The following NCS1 variants were observed in gnomAD, a reference collection of about 807,000 sequenced individuals.
The protein encoded by NCS1 is neuronal calcium sensor 1, also known as frequenin homolog.
NCS1 carries 6 observed loss-of-function variants against 28.4 expected under a neutral mutation model. The observed-to-expected ratio is 0.21, with a 90% CI of 0.12 to 0.42. The LOEUF (loss-of-function observed/expected upper bound fraction) is 0.42, where lower values mean the gene tolerates loss of function less well. Ranked by LOEUF, NCS1 falls within the 10% of genes least tolerant of loss-of-function variation. The pLI is 1.00. For missense variants in NCS1, 131 were observed against 241.4 expected, an observed-to-expected ratio of 0.54 and a Z score of 3.03; for synonymous variants, 86 against 99.3, an observed-to-expected ratio of 0.87 and a Z score of 0.79.
At chr9:130,203,091 CAT>C (rs1365053648) in intron 2 of NCS1, among the ~76,000 whole-genome samples, 13 of 142,126 alleles carry the variant, frequency 9.1e-5, no homozygotes, top group South Asian at 4.4e-4. Context: ...TATACACATA[CAT>C]ATATATGTGT....
chr9:130,199,520 G>T (rs782110781), intron 1 of NCS1, among the ~76,000 whole-genome samples: 4 of 152,226 alleles, frequency 2.6e-5, no homozygotes, highest in Non-Finnish European at 5.9e-5. Context: ...CAGGAATCTG[G>T]CTGCCTGGTT....
chr9:130,235,519 C>CT lies in NCS1; in HGVS notation c.*2550dup, dbSNP rs1833574049. The CT allele has an allele frequency of 6.6e-6, 1 of 152,530 alleles. No individual in the cohort carries two copies. The highest frequency in any genetic ancestry group is 1.5e-5 in the Non-Finnish European group (1 of 68,262). The allele number at this position is 152,530 out of a possible 1,614,324, so 9.4% of individuals were successfully genotyped here. On this transcript the variant is annotated 3_prime_UTR_variant, in exon 8 of 8. Coordinates refer to ENST00000372398, the MANE Select transcript of NCS1 (RefSeq NM_014286.4). ...TCCGGCCTTCCTCCATCGTCCTGCCCTTTGGCCTTTTGGTTTGAAGCCACA... is the reference window on the plus strand; with the variant it reads ...TCCGGCCTTCCTCCATCGTCCTGCCCTTTTGGCCTTTTGGTTTGAAGCCACA...
intron 2 of NCS1, among the ~76,000 whole-genome samples, chr9:130,208,950 C>T (rs1337935117): frequency 1.3e-5 from 2 of 152,080 alleles, no homozygotes; most frequent in Admixed American, 6.6e-5. Flanking sequence ...GGCTCAGACC[C>T]GCCGGCTTCT....
rs559551895 is a variant in NCS1, at chr9:130,221,497, C to T, written c.308-1153C>T. Among the ~76,000 whole-genome samples the T allele has an allele frequency of 2.1e-4, 30 of 143,616 alleles. 1 individual carries two copies. The highest frequency in any genetic ancestry group is 1.1e-4 in the Non-Finnish European group (7 of 66,458). 94.2% of individuals were successfully genotyped at this position (143,616 alleles called of 152,430 possible). A position where few individuals can be genotyped will look rare whatever the true frequency, so the allele number is the denominator to read the frequency against. ...TCACCCAGGCTAGAGTGCAGTAGTTCGATCTCGGCTTATTGCAACCTTCGC... is the reference window on the plus strand; with the variant it reads ...TCACCCAGGCTAGAGTGCAGTAGTTTGATCTCGGCTTATTGCAACCTTCGC... On this transcript the variant is annotated intron_variant, in intron 4 of 7. Coordinates refer to ENST00000372398, the MANE Select transcript of NCS1 (RefSeq NM_014286.4).
intron 3 of NCS1, among the ~76,000 whole-genome samples, chr9:130,218,706 C>T (rs2131151441): frequency 6.6e-6 from 1 of 152,192 alleles, no homozygotes; most frequent in African/African-American, 2.4e-5. Context: ...ATTCCCCTGC[C>T]TCAGCCTCCT....
chr9:130,232,224 G>A lies in NCS1; in HGVS notation c.*18-766G>A, dbSNP rs1833509622. ...GGCCTCCCAAAGTGCTAGATTTACAGGTTTGACCCACCACTCCTGGCCCTC... is the reference window on the plus strand; with the variant it reads ...GGCCTCCCAAAGTGCTAGATTTACAAGTTTGACCCACCACTCCTGGCCCTC... On this transcript the variant is annotated intron_variant, in intron 7 of 7. Coordinates refer to ENST00000372398, the MANE Select transcript of NCS1 (RefSeq NM_014286.4). This position sits in a 1 kb window ranked among gnomAD's most constrained non-coding sequence, Gnocchi z 4.4. Among the ~76,000 whole-genome samples, 1 of 152,158 alleles carries A rather than the reference G, an allele frequency of 6.6e-6. No homozygotes were observed.
In NCS1 at chr9:130,217,910, C is replaced by T; in HGVS notation, c.168C>T (p.Phe56=). 3 of 1,614,194 alleles carry T rather than the reference C, an allele frequency of 1.9e-6. No individual in the cohort carries two copies. The South Asian group carries it at 3.3e-5, about 18-fold the overall frequency. The change falls in exon 3 of 8, where the codon TTC becomes TTT. Residue 56 remains phenylalanine, a synonymous_variant. Coordinates refer to ENST00000372398, the MANE Select transcript of NCS1 (RefSeq NM_014286.4). ...TCCAGAAGATCTACAAGCAATTCTT[C>T]CCGTTCGGAGACCCCACCAAGTTTG... ...AGFQKIYKQF[F]PFGDPTKFAT...
At position 130,180,845 on chromosome 9, in the gene NCS1, C is replaced by T. The variant is rs967378173; in HGVS notation, c.64+8118C>T. 3.9e-5 allele frequency among the ~76,000 whole-genome samples: 6 copies of T among 152,160 alleles called. No individual in the cohort carries two copies. Among genetic ancestry groups the T allele is most frequent in the African/African-American group, 9.7e-5 (4 of 41,436 alleles). On this transcript the variant is annotated intron_variant, in intron 1 of 7. Transcript: ENST00000372398. The surrounding 1 kb of genome is among the most constrained non-coding windows in gnomAD (Gnocchi z 4.5). ...CACAGGCTCTTGGCTGAATTGGGAG[C>T]GAGTGGCAAACATGGAGGGCCTCTG...
rs1832741214 is a variant in NCS1 at position 130,186,602 on chromosome 9, C to T, written c.64+13875C>T. 6.6e-6 allele frequency among the ~76,000 whole-genome samples: 1 copy of T among 152,076 alleles called. No homozygotes were observed. The highest frequency in any genetic ancestry group is 2.1e-4 in the South Asian group (1 of 4,822). On this transcript the variant is annotated intron_variant, in intron 1 of 7. Coordinates refer to ENST00000372398, the MANE Select transcript of NCS1 (RefSeq NM_014286.4). The surrounding 1 kb of genome is among the most constrained non-coding windows in gnomAD (Gnocchi z 4.1). ...CTTCCAGGGCTCCCGAACCCCCAGC[C>T]CCAGGAAGGGGTGGGAGACACAGAG...
rs1360808232 is a variant in NCS1 at position 130,192,505 on chromosome 9, A to G, written c.65-8453A>G. Among the ~76,000 whole-genome samples the G allele has an allele frequency of 1.3e-5, 2 of 151,804 alleles. No individual in the cohort carries two copies. Among genetic ancestry groups the G allele is most frequent in the Non-Finnish European group, 2.9e-5 (2 of 67,956 alleles). On this transcript the variant is annotated intron_variant, in intron 1 of 7. Transcript: ENST00000372398. This position sits in a 1 kb window ranked among gnomAD's most constrained non-coding sequence, Gnocchi z 4.8. ...CTCATTTACTTGTTGCCTGAAGGTC[A>G]CTTTGTGGAGCGTGGGAGCTGGGGG... is the stretch of plus-strand genomic sequence containing the variant.
intron 2 of NCS1, 152 bp downstream of exon 2, chr9:130,201,134 C>T: frequency 9.1e-7 from 1 of 1,103,536 alleles, no homozygotes; most frequent in South Asian, 1.3e-5. Flanking sequence ...GTTCAGTGGC[C>T]TTTGTCCTTG....
intron 1 of NCS1, among the ~76,000 whole-genome samples, chr9:130,187,056 G>A (rs1441987114): frequency 2.0e-5 from 3 of 152,114 alleles, no homozygotes; most frequent in Non-Finnish European, 4.4e-5. Context: ...GGGCGGGGGC[G>A]CGGGCAGTGA....
At position 130,234,631 on chromosome 9, in the gene NCS1, G is replaced by T. The variant is rs1588129890; in HGVS notation, c.*1659G>T. ...GGCTGGTGATGCTGTGGTTAAGTTT[G>T]CTTGACCCCAGCAGCCCGAGGGACT... is the stretch of plus-strand genomic sequence containing the variant. On this transcript the variant is annotated 3_prime_UTR_variant, in exon 8 of 8. Transcript: ENST00000372398. The surrounding 1 kb of genome is among the most constrained non-coding windows in gnomAD (Gnocchi z 6.1). 1 of 152,256 alleles carries T rather than the reference G, an allele frequency of 6.6e-6. No individual in the cohort carries two copies. The highest frequency in any genetic ancestry group is 1.5e-5 in the Non-Finnish European group (1 of 68,082). The allele number at this position is 152,256 out of a possible 1,614,324, so 9.4% of individuals were successfully genotyped here.
rs537179405 is a variant in NCS1, at chr9:130,215,962, G to A, written c.90-1870G>A. Reference sequence around the variant, plus strand: ...CCCCATCCTCCTCCTCCCCTCAACCGCCCTCACTCCGGCAGCAGCAGCCAC... The same window carrying A: ...CCCCATCCTCCTCCTCCCCTCAACCACCCTCACTCCGGCAGCAGCAGCCAC... On this transcript the variant is annotated intron_variant, in intron 2 of 7. Transcript: ENST00000372398. The surrounding 1 kb of genome is among the most constrained non-coding windows in gnomAD (Gnocchi z 4.2). Among the ~76,000 whole-genome samples, 2 of 151,938 alleles carry A rather than the reference G, an allele frequency of 1.3e-5. No homozygotes were observed. Among genetic ancestry groups the A allele is most frequent in the South Asian group, 2.1e-4 (1 of 4,790 alleles).
chr9:130,228,362 G>GT lies in NCS1; in HGVS notation c.*17+1866dup, dbSNP rs34399055. Among the ~76,000 whole-genome samples, 1,092 of 150,832 alleles carry GT rather than the reference G, an allele frequency of 7.2e-3. 16 individuals are homozygous for GT. The highest frequency in any genetic ancestry group is 0.022 in the African/African-American group (885 of 40,994). On this transcript the variant is annotated intron_variant, in intron 7 of 7. Coordinates refer to ENST00000372398, the MANE Select transcript of NCS1 (RefSeq NM_014286.4). ...ATCTGGCTAATTTAAAAAAAAAAGT[G>GT]TTTTTTTTGTTTGTTTGTTTTGTTT...
intron 2 of NCS1, among the ~76,000 whole-genome samples, chr9:130,201,653 G>A (rs2131135940): frequency 6.6e-6 from 1 of 152,246 alleles, no homozygotes; most frequent in Middle Eastern, 3.4e-3. Flanking sequence ...AGGGACATGA[G>A]GCAATGAGCT....
chr9:130,200,473 T>C (rs1329318183), intron 1 of NCS1: 1 of 1,095,186 alleles, frequency 9.1e-7, no homozygotes, highest in Non-Finnish European at 1.3e-6. Context: ...ACAGGGAGGG[T>C]GGTCCACCCT....
intron 1 of NCS1, among the ~76,000 whole-genome samples, chr9:130,185,171 C>T (rs1421431983): frequency 1.3e-5 from 2 of 152,236 alleles, no homozygotes; most frequent in African/African-American, 4.8e-5. Context: ...CTCCTCAGTC[C>T]TGGTGGTGAC....
In NCS1 at chr9:130,221,351, A is replaced by T. The variant is rs191785742; in HGVS notation, c.308-1299A>T. On this transcript the variant is annotated intron_variant, in intron 4 of 7. Coordinates refer to ENST00000372398, the MANE Select transcript of NCS1 (RefSeq NM_014286.4). ...GTTATTTTTAATATATATATATATA[A>T]AATATTTAATATATATATAAAATAT... 3.2e-3 allele frequency among the ~76,000 whole-genome samples: 438 copies of T among 135,962 alleles called. 6 individuals carry two copies. Among genetic ancestry groups the T allele is most frequent in the African/African-American group, 0.012 (416 of 33,940 alleles). 89.2% of individuals were successfully genotyped at this position (135,962 alleles called of 152,430 possible).
Sources: allele counts gnomAD v4.1 joint callset (sites outside exome capture counted in the v4.1 genomes callset), GRCh38; gene constraint gnomAD v4.1.1; non-coding constraint Gnocchi (gnomAD v3.1); transcripts MANE v1.5; gene names NCBI Gene and HGNC (gene_info 2026-07-23, HGNC 2026-07-21).